The following HEATR1 variants were observed in gnomAD, a reference collection of about 807,000 sequenced individuals.
The protein encoded by HEATR1 is HEAT repeat-containing protein 1.
HEATR1 carries 77 observed loss-of-function variants against 248.2 expected under a neutral mutation model. The observed-to-expected ratio is 0.31, with a 90% CI of 0.26 to 0.37. The LOEUF (loss-of-function observed/expected upper bound fraction) is 0.37. Among genes scored for constraint, HEATR1 ranks in the 10% least tolerant of loss-of-function variants. HEATR1 has a pLI of 1.00. For missense variants in HEATR1, 2,420 were observed against 2,504.9 expected, an observed-to-expected ratio of 0.97 and a Z score of 0.72; for synonymous variants, 897 against 923.1, an observed-to-expected ratio of 0.97 and a Z score of 0.51.
chr1:236,591,008 G>T, intron 11 of HEATR1, 54 bp from the exon 12 acceptor site: 2 of 898,610 alleles, frequency 2.2e-6, no homozygotes, highest in Non-Finnish European at 3.1e-6. Flanking sequence ...AACAGTCTAT[G>T]ATCAAGAATA....
intron 32 of HEATR1, among the ~76,000 whole-genome samples, chr1:236,562,696 G>T (rs1313758186): frequency 6.6e-6 from 1 of 152,140 alleles, no homozygotes. Context: ...TGAGTTTCTA[G>T]ACCAATCTGG....
intron 31 of HEATR1, among the ~76,000 whole-genome samples, chr1:236,565,312 C>A (rs1295910020): frequency 1.3e-5 from 2 of 152,298 alleles, no homozygotes; most frequent in South Asian, 2.1e-4. Flanking sequence ...ACACGTCAAC[C>A]CTTTCTTAAT....
chr1:236,585,288 A>G, intron 16 of HEATR1, 72 bp from the exon 17 acceptor site: 1 of 1,268,050 alleles, frequency 7.9e-7, no homozygotes, highest in South Asian at 1.4e-5. Flanking sequence ...ACTCAGGTCT[A>G]TCTAGGTATT....
intron 12 of HEATR1, among the ~76,000 whole-genome samples, chr1:236,590,580 G>T (rs1340216914): frequency 6.6e-6 from 1 of 151,940 alleles, no homozygotes; most frequent in Admixed American, 6.6e-5. Context: ...GAACCTACGT[G>T]AATTAATCTA....
chr1:236,576,809 TCTC>T lies in HEATR1; in HGVS notation c.2893_2895del (p.Glu965del), dbSNP rs756645962. 2 of 1,613,662 alleles carry T rather than the reference TCTC, an allele frequency of 1.2e-6. No homozygotes were observed. The highest frequency in any genetic ancestry group is 1.7e-6 in the Non-Finnish European group (2 of 1,179,820). On this transcript the variant is annotated inframe_deletion, in exon 21 of 45. Transcript: ENST00000366582. ...ATAACATAGGCAGCATCTGAAGTGATCTCCTCTGCTTTAGAAATCAAATGATCT... is the reference window on the plus strand; with the variant it reads ...ATAACATAGGCAGCATCTGAAGTGATCTCTGCTTTAGAAATCAAATGATCT...
intron 12 of HEATR1, among the ~76,000 whole-genome samples, chr1:236,588,928 T>C (rs1017469680): frequency 2.6e-5 from 4 of 152,144 alleles, no homozygotes; most frequent in African/African-American, 7.2e-5. Flanking sequence ...CTGGATAACA[T>C]AGCAAGACCC....
chr1:236,583,857 G>C (rs2794767), intron 17 of HEATR1, among the ~76,000 whole-genome samples: 91,963 of 151,964 alleles, frequency 0.61, 29,701 homozygotes, highest in Non-Finnish European at 0.72. Flanking sequence ...GGAATTCTTT[G>C]ATTTCACTGT....
At position 236,553,820 on chromosome 1, in the gene HEATR1, TTTTA is replaced by T; in HGVS notation, c.6079-85_6079-82del. On this transcript the variant is annotated intron_variant, in intron 42 of 44. Transcript: ENST00000366582. ...TGAAAAAATATCCAACATACAAATA[TTTTA>T]CTATCTTTCATGATATTAGCAGGTT... 3 of 1,407,136 alleles carry T rather than the reference TTTTA, an allele frequency of 2.1e-6. No homozygotes were observed. The Admixed American group carries it at 6.3e-5, about 29-fold the overall frequency. The allele number at this position is 1,407,136 out of a possible 1,614,324, so 87.2% of individuals were successfully genotyped here.
intron 2 of HEATR1, among the ~76,000 whole-genome samples, 200 bp downstream of exon 2, chr1:236,603,754 A>G (rs1664390377): frequency 6.6e-6 from 1 of 152,090 alleles, no homozygotes; most frequent in Non-Finnish European, 1.5e-5. Flanking sequence ...TGTGAAATCC[A>G]GATACCTCTA....
At chr1:236,594,824 G>A (rs1327595432) in intron 8 of HEATR1, among the ~76,000 whole-genome samples, 3 of 151,862 alleles carry the variant, frequency 2.0e-5, no homozygotes, top group Non-Finnish European at 4.4e-5. Flanking sequence ...TTGAGATAGG[G>A]TCTCACTCTG....
In HEATR1 at chr1:236,592,100, T is replaced by C. The variant is rs764158257; in HGVS notation, c.1315A>G (p.Thr439Ala). ...TGTTCCTCTAATACAACATCTAATG[T>C]TCTGGGGTATCTGGGAAGCAATTAA... Reference protein sequence around the residue: ...IRLLESKYPRTLDVVLEEHLK... With the variant: ...IRLLESKYPRALDVVLEEHLK... The change falls in exon 11 of 45, where the codon ACA (threonine) becomes GCA (alanine). Residue 439 changes from threonine to alanine, a missense_variant. By Grantham distance (58) the Thr-to-Ala change is moderately conservative. Coordinates refer to ENST00000366582, the MANE Select transcript of HEATR1 (RefSeq NM_018072.6). 4 of 1,552,400 alleles carry C rather than the reference T, an allele frequency of 2.6e-6. No individual in the cohort carries two copies. Among genetic ancestry groups the C allele is most frequent in the South Asian group, 1.2e-5 (1 of 84,970 alleles).
intron 32 of HEATR1, among the ~76,000 whole-genome samples, chr1:236,562,714 T>C (rs1270518986): frequency 6.6e-6 from 1 of 151,888 alleles, no homozygotes; most frequent in Non-Finnish European, 1.5e-5. Flanking sequence ...TGGGCAGATC[T>C]GCCACCTTTA....
At chr1:236,592,217 T>C in intron 10 of HEATR1, 107 bp from the exon 11 acceptor site, 1 of 650,688 alleles carries the variant, frequency 1.5e-6, no homozygotes, top group Non-Finnish European at 2.6e-6. Flanking sequence ...TTACTGAGAC[T>C]GTGACTTAAA....
chr1:236,594,063 G>A lies in HEATR1; in HGVS notation c.1142C>T (p.Ala381Val), dbSNP rs367603895. 3 of 1,600,056 alleles carry A rather than the reference G, an allele frequency of 1.9e-6. No homozygotes were observed. The South Asian group carries it at 3.4e-5, about 18-fold the overall frequency. ...DGQIYKRHLEAILTKISLKNN... is the reference protein window; with the variant it reads ...DGQIYKRHLEVILTKISLKNN... ...CTTCAGTGATATTTTTGTAAGTATA[G>A]CTTCTAAGTGTCTCTTGTAGATTTG... Residue 381 changes from alanine (A) to valine (V), a missense_variant, in exon 9 of 45, where the codon GCT becomes GTT. Coordinates refer to ENST00000366582, the MANE Select transcript of HEATR1 (RefSeq NM_018072.6).
intron 12 of HEATR1, among the ~76,000 whole-genome samples, 160 bp from the exon 13 acceptor site, chr1:236,588,203 C>T (rs914083592): frequency 2.6e-5 from 3 of 116,690 alleles, no homozygotes; most frequent in Admixed American, 8.6e-5. Flanking sequence ...ACTAGATAAT[C>T]GCTAAAGGGC....
At chr1:236,556,733 A>G (rs1176432833) in intron 37 of HEATR1, among the ~76,000 whole-genome samples, 1 of 152,020 alleles carries the variant, frequency 6.6e-6, no homozygotes, top group African/African-American at 2.4e-5. Flanking sequence ...AGGTCTCAAC[A>G]TTCTTGAGCA....
chr1:236,587,498 G>GA lies in HEATR1; in HGVS notation c.1627-9dup. ...GAAGTGTTCTTTGAAAATCTAAAGG[G>GA]AAAAAAATATCCAGAGTAGATTTGT... On this transcript the variant is annotated splice_polypyrimidine_tract_variant and intron_variant, in intron 13 of 44. Transcript: ENST00000366582. 7.1e-6 allele frequency: 10 copies of GA among 1,410,410 alleles called. No individual in the cohort carries two copies. The highest frequency in any genetic ancestry group is 1.5e-5 in the South Asian group (1 of 68,224). The allele number at this position is 1,410,410 out of a possible 1,614,324, so 87.4% of individuals were successfully genotyped here.
At chr1:236,554,877 A>C (rs1662912288) in intron 41 of HEATR1, 125 bp from the exon 42 acceptor site, 1 of 841,386 alleles carries the variant, frequency 1.2e-6, no homozygotes, top group Admixed American at 3.0e-5. Context: ...TAGAAATCAT[A>C]ATCAGGACGA....
Position 236,565,991 on chromosome 1 carries a change from T to G in HEATR1, c.4363A>C (p.Ser1455Arg), listed in dbSNP as rs777239211. Reference sequence around the variant, plus strand: ...AAGCTTTGTATCTGATGCTGGACACTAAACTCACAACAGACTGAAAACCAA... The same window carrying G: ...AAGCTTTGTATCTGATGCTGGACACGAAACTCACAACAGACTGAAAACCAA... ...EFWFSVCCEFSVQHQIQSLMN... is the reference protein window; with the variant it reads ...EFWFSVCCEFRVQHQIQSLMN... Residue 1455 changes from serine (S) to arginine (R), a missense_variant, in exon 31 of 45, where the codon AGT (serine) becomes CGT (arginine). Ser to Arg is a moderately radical substitution (Grantham distance 110, BLOSUM62 -1). Coordinates refer to ENST00000366582, the MANE Select transcript of HEATR1 (RefSeq NM_018072.6). 1.1e-5 allele frequency: 17 copies of G among 1,613,812 alleles called. No homozygotes were observed. The highest frequency in any genetic ancestry group is 3.3e-5 in the Admixed American group (2 of 60,008).
Sources: allele counts gnomAD v4.1 joint callset (sites outside exome capture counted in the v4.1 genomes callset), GRCh38; gene constraint gnomAD v4.1.1; transcripts MANE v1.5; gene names NCBI Gene and HGNC (gene_info 2026-07-23, HGNC 2026-07-21).